The following NFASC variants were observed in gnomAD, a reference collection of about 807,000 sequenced individuals.
NFASC encodes the protein neurofascin homolog.
In NFASC, 43 loss-of-function variants were observed where a neutral mutation model predicts 147.5. The observed-to-expected ratio is 0.29, with a 90% CI of 0.23 to 0.38. The LOEUF (loss-of-function observed/expected upper bound fraction) is 0.38, where lower values mean the gene tolerates loss of function less well. NFASC is among the 10% of genes least tolerant of loss of function. The pLI is 1.00. For missense variants in NFASC, 1,320 were observed against 1,689.0 expected (o/e 0.78, Z 3.83); for synonymous variants, 622 against 665.5 (o/e 0.93, Z 1.01).
At chr1:204,940,054 A>G (rs920300808) in intron 2 of NFASC, among the ~76,000 whole-genome samples, 6 of 152,242 alleles carry the variant, frequency 3.9e-5, no homozygotes, top group Non-Finnish European at 7.3e-5. Flanking sequence ...GCTCACATCA[A>G]ATAATCTGTC....
chr1:204,914,755 C>T (rs1019252763), intron 1 of NFASC, among the ~76,000 whole-genome samples: 7 of 152,176 alleles, frequency 4.6e-5, no homozygotes, highest in African/African-American at 1.4e-4. Context: ...TATAAATTGT[C>T]ACTACATTCA....
At chr1:204,904,063 G>C (rs1345455584) in intron 1 of NFASC, among the ~76,000 whole-genome samples, 3 of 152,092 alleles carry the variant, frequency 2.0e-5, no homozygotes, top group Non-Finnish European at 4.4e-5. Flanking sequence ...ACATCGCTAG[G>C]CTTCAGATTT....
chr1:204,854,133 A>T (rs576897304), intron 1 of NFASC, among the ~76,000 whole-genome samples: 1 of 150,284 alleles, frequency 6.7e-6, no homozygotes, highest in Non-Finnish European at 1.5e-5. Flanking sequence ...GACTCTCAGC[A>T]AGAGCCAAAA....
At chr1:204,829,376 T>A (rs1291199284) in intron 1 of NFASC, among the ~76,000 whole-genome samples, 1 of 150,900 alleles carries the variant, frequency 6.6e-6, no homozygotes, top group Non-Finnish European at 1.5e-5. Context: ...CCCCGCCTTC[T>A]CCCCCCTTTG....
intron 2 of NFASC, among the ~76,000 whole-genome samples, chr1:204,929,800 C>T (rs2092168871): frequency 6.6e-6 from 1 of 152,196 alleles, no homozygotes; most frequent in Non-Finnish European, 1.5e-5. Flanking sequence ...TCTTTCTCCA[C>T]TTGCTTGGTG....
chr1:204,911,973 G>GCCCA, intron 1 of NFASC, among the ~76,000 whole-genome samples: 1 of 152,066 alleles, frequency 6.6e-6, no homozygotes, highest in East Asian at 1.9e-4. Context: ...GGCTACAGTG[G>GCCCA]CATCCCTCAT....
At chr1:204,868,802 C>G (rs1368554391) in intron 1 of NFASC, among the ~76,000 whole-genome samples, 1 of 152,254 alleles carries the variant, frequency 6.6e-6, no homozygotes, top group Non-Finnish European at 1.5e-5. Flanking sequence ...GGCCACCCAG[C>G]AGGGGGTCAT....
rs375720504 is a variant in NFASC at position 204,842,532 on chromosome 1, T to C, written c.-200+13750T>C. Among the ~76,000 whole-genome samples, 21 of 152,338 alleles carry C rather than the reference T, an allele frequency of 1.4e-4. No homozygotes were observed. The East Asian group carries it at 3.7e-3, about 27-fold the overall frequency. On this transcript the variant is annotated intron_variant, in intron 1 of 29. Transcript: ENST00000339876. ...GTACATGGTCAGTATGTTGCTCCTCTGGTTGGAATAGAAACTTCCAGTTAG... is the reference window on the plus strand; with the variant it reads ...GTACATGGTCAGTATGTTGCTCCTCCGGTTGGAATAGAAACTTCCAGTTAG...
At chr1:204,939,002 A>T (rs995368811) in intron 2 of NFASC, among the ~76,000 whole-genome samples, 3 of 146,810 alleles carry the variant, frequency 2.0e-5, no homozygotes, top group Admixed American at 6.8e-5. Context: ...TGTCACCTTC[A>T]GGTAGTTCTA....
chr1:204,931,073 TAAGAAGAAGAAAAAAAA>T (rs1368078010), intron 2 of NFASC, among the ~76,000 whole-genome samples: 2 of 151,876 alleles, frequency 1.3e-5, no homozygotes, highest in African/African-American at 4.8e-5. Context: ...CCTTATTCTT[TAAGAAGAAGAAAAAAAA>T]AAGAATATGA....
chr1:204,948,005 C>G (rs1203923963), intron 3 of NFASC, among the ~76,000 whole-genome samples: 1 of 152,188 alleles, frequency 6.6e-6, no homozygotes, highest in Non-Finnish European at 1.5e-5. Context: ...CATATGTGCT[C>G]ACACTTATGC....
intron 3 of NFASC, chr1:204,946,175 A>G (rs2093714114): frequency 1.0e-5 from 4 of 390,720 alleles, no homozygotes; most frequent in South Asian, 7.1e-5. Context: ...GTTCGCGGAA[A>G]CTCAAGCCTT....
intron 25 of NFASC, chr1:204,997,638 C>T (rs2095875871): frequency 5.0e-6 from 3 of 600,812 alleles, no homozygotes; most frequent in South Asian, 1.9e-5. Context: ...TTGGGTGGTC[C>T]TCCACCACTC....
chr1:205,005,790 T>C (rs1044688080), intron 27 of NFASC, among the ~76,000 whole-genome samples: 4 of 152,230 alleles, frequency 2.6e-5, no homozygotes, highest in Non-Finnish European at 5.9e-5. Flanking sequence ...TTGAACAGCC[T>C]TCTGTGTCCA....
chr1:204,981,406 G>A (rs2095506714), intron 20 of NFASC, among the ~76,000 whole-genome samples: 1 of 152,292 alleles, frequency 6.6e-6, no homozygotes, highest in African/African-American at 2.4e-5. Flanking sequence ...CAGGAGCCAT[G>A]CTGTGGTTAA....
intron 1 of NFASC, among the ~76,000 whole-genome samples, chr1:204,841,076 C>T (rs550648650): frequency 6.6e-6 from 1 of 152,326 alleles, no homozygotes; most frequent in South Asian, 2.1e-4. Context: ...CCTAACGACC[C>T]TTTGGGGTCT....
At chr1:204,959,221 T>C (rs377432144) in intron 8 of NFASC, among the ~76,000 whole-genome samples, 18 of 152,312 alleles carry the variant, frequency 1.2e-4, no homozygotes, top group African/African-American at 4.3e-4. Flanking sequence ...TGCCTTGCAG[T>C]GTCCCCACAC....
chr1:204,980,497 C>G, intron 20 of NFASC, 57 bp downstream of exon 20: 1 of 1,335,052 alleles, frequency 7.5e-7, no homozygotes, highest in Admixed American at 1.9e-5. Context: ...GCACCGGGAG[C>G]CCCTCTCCCT....
intron 1 of NFASC, among the ~76,000 whole-genome samples, chr1:204,848,929 G>A (rs1271615923): frequency 6.6e-6 from 1 of 152,174 alleles, no homozygotes; most frequent in African/African-American, 2.4e-5. Flanking sequence ...ATTATTTATT[G>A]AACAGCCTGC....
Sources: gnomAD v4.1 joint callset for allele counts (sites outside exome capture counted in the v4.1 genomes callset) on GRCh38, gnomAD v4.1.1 for gene constraint, MANE v1.5 for transcripts, NCBI Gene and HGNC (gene_info 2026-07-23, HGNC 2026-07-21) for gene names.